The following ITGB5 variants were observed in gnomAD, a reference collection of about 807,000 sequenced individuals.
ITGB5 encodes integrin subunit beta 5.
In ITGB5, 38 loss-of-function variants were observed where a neutral mutation model predicts 84.8. That is an observed-to-expected ratio of 0.45 (90% confidence interval 0.35 to 0.59). ITGB5 has a LOEUF of 0.59. Among genes scored for constraint, ITGB5 ranks in the 20% least tolerant of loss-of-function variants. ITGB5 has a pLI of 0.01. For missense variants in ITGB5, 905 were observed against 1,034.5 expected (o/e 0.87, Z 1.72); for synonymous variants, 393 against 414.4 (o/e 0.95, Z 0.63).
upstream of ITGB5, among the ~76,000 whole-genome samples, chr3:124,890,075 GT>G (rs1934963295): frequency 6.6e-6 from 1 of 152,188 alleles, no homozygotes; most frequent in Non-Finnish European, 1.5e-5. Flanking sequence ...TGCGTGCCAA[GT>G]GGTGATTTTA....
chr3:124,815,275 C>T (rs2064570346), intron 8 of ITGB5, among the ~76,000 whole-genome samples: 1 of 152,362 alleles, frequency 6.6e-6, no homozygotes, highest in East Asian at 1.9e-4. Context: ...GTCTATGGAG[C>T]TGTGCGCCAT....
chr3:124,895,580 G>T (rs1935086703), intron 1 of ITGB5, among the ~76,000 whole-genome samples: 1 of 152,142 alleles, frequency 6.6e-6, no homozygotes, highest in Non-Finnish European at 1.5e-5. Flanking sequence ...TTAGCTAGCA[G>T]TTCAGCAGCC....
chr3:124,832,040 C>T (rs981208835), intron 5 of ITGB5, among the ~76,000 whole-genome samples: 1 of 152,208 alleles, frequency 6.6e-6, no homozygotes, highest in African/African-American at 2.4e-5. Flanking sequence ...AGTGGCCTCC[C>T]TGGAAAATCC....
At chr3:124,795,768 GGAA>G (rs1319396876) in intron 10 of ITGB5, among the ~76,000 whole-genome samples, 2 of 152,174 alleles carry the variant, frequency 1.3e-5, no homozygotes, top group African/African-American at 2.4e-5. Context: ...TTTTGAAAAT[GGAA>G]GAAGGAGCTG....
At chr3:124,847,370 G>A (rs564787108) in intron 4 of ITGB5, among the ~76,000 whole-genome samples, 10 of 152,314 alleles carry the variant, frequency 6.6e-5, no homozygotes. Context: ...TGCATGGGCT[G>A]AAGAATGCAA....
intron 5 of ITGB5, among the ~76,000 whole-genome samples, chr3:124,827,393 C>A (rs1294427237): frequency 6.6e-6 from 1 of 152,130 alleles, no homozygotes; most frequent in African/African-American, 2.4e-5. Context: ...ATTCCAGGAC[C>A]AGTAATAATT....
intron 8 of ITGB5, among the ~76,000 whole-genome samples, chr3:124,811,992 T>C (rs1333093868): frequency 1.1e-4 from 17 of 152,120 alleles, no homozygotes; most frequent in Admixed American, 1.1e-3. Flanking sequence ...AATAAAAAAA[T>C]AAAAAGGAAT....
intron 1 of ITGB5, among the ~76,000 whole-genome samples, chr3:124,886,494 C>G (rs1184690847): frequency 6.6e-6 from 1 of 152,108 alleles, no homozygotes; most frequent in East Asian, 1.9e-4. Context: ...GCTGGGGTTT[C>G]GAGACTCCCT....
Position 124,798,055 on chromosome 3 carries a change from C to CTTTTTTTTT in ITGB5, c.1264-1247_1264-1239dup, listed in dbSNP as rs60292129. The stretch of plus-strand genomic sequence containing the variant: ...TTCTATTCTTTCGGCTAGAATAAAG[C>CTTTTTTTTT]TTTTTTTTTTTTTTTTGAGGTGGAG... On this transcript the variant is annotated intron_variant, in intron 9 of 14. Coordinates refer to ENST00000296181, the MANE Select transcript of ITGB5 (RefSeq NM_002213.5). Among the ~76,000 whole-genome samples, 17 of 103,638 alleles carry CTTTTTTTTT rather than the reference C, an allele frequency of 1.6e-4. 2 individuals are homozygous for CTTTTTTTTT. The highest frequency in any genetic ancestry group is 5.7e-4 in the East Asian group (2 of 3,496). The allele number at this position is 103,638 out of a possible 152,430, so 68.0% of individuals were successfully genotyped here.
chr3:124,887,599 C>T (rs1016634621), upstream of ITGB5: 1 of 377,606 alleles, frequency 2.6e-6, no homozygotes, highest in Non-Finnish European at 5.6e-6. Context: ...TTGCGACTCA[C>T]TTGGGGCGTG....
chr3:124,873,522 A>G lies in ITGB5; in HGVS notation c.80T>C (p.Ile27Thr). ...ALLPRLAGLN[I>T]CTSGSATSCE... ...TGAGGTGGCACTTCCACTAGTGCAT[A>G]TGTTGAGACCTTTAAAGCAAGATAA... The change falls in exon 2 of 15, where the codon ATA (isoleucine) becomes ACA (threonine). Residue 27 changes from isoleucine (I) to threonine (T), a missense_variant. This residue lies in a region of ITGB5 where 656 missense variants were observed against 734.7 expected (regional missense o/e 0.89). Coordinates refer to ENST00000296181, the MANE Select transcript of ITGB5 (RefSeq NM_002213.5). 11 of 1,612,466 alleles carry G rather than the reference A, an allele frequency of 6.8e-6. No individual in the cohort carries two copies. The highest frequency in any genetic ancestry group is 9.3e-6 in the Non-Finnish European group (11 of 1,178,600).
intron 4 of ITGB5, among the ~76,000 whole-genome samples, chr3:124,846,808 C>T (rs1559966037): frequency 6.6e-6 from 1 of 152,062 alleles, no homozygotes; most frequent in Non-Finnish European, 1.5e-5. Flanking sequence ...GTGGCAGGCA[C>T]CTATAATCTC....
At chr3:124,818,670 C>T (rs111453860) in intron 7 of ITGB5, among the ~76,000 whole-genome samples, 15 of 151,920 alleles carry the variant, frequency 9.9e-5, no homozygotes, top group South Asian at 8.3e-4. Flanking sequence ...CACACCACCA[C>T]GCCCTGAATA....
At chr3:124,855,446 T>C (rs747010716) in intron 3 of ITGB5, among the ~76,000 whole-genome samples, 4 of 152,162 alleles carry the variant, frequency 2.6e-5, no homozygotes, top group Non-Finnish European at 5.9e-5. Flanking sequence ...ACATACCATT[T>C]TTCTCTCCCC....
At chr3:124,839,189 C>T (rs974786997) in intron 5 of ITGB5, among the ~76,000 whole-genome samples, 32 of 152,168 alleles carry the variant, frequency 2.1e-4, no homozygotes, top group Non-Finnish European at 2.9e-5. Flanking sequence ...TTGCAAAGGT[C>T]GTGGTGAGGA....
intron 4 of ITGB5, among the ~76,000 whole-genome samples, chr3:124,845,391 G>C (rs1302876143): frequency 1.3e-5 from 2 of 152,210 alleles, no homozygotes; most frequent in African/African-American, 4.8e-5. Flanking sequence ...GCCTGGACGT[G>C]GGGAGACAAA....
intron 2 of ITGB5, among the ~76,000 whole-genome samples, chr3:124,869,235 G>T (rs552784291): frequency 1.6e-3 from 247 of 152,216 alleles, no homozygotes; most frequent in African/African-American, 5.6e-3. Flanking sequence ...GGTTAAGAAG[G>T]CACCCAGCCA....
intron 1 of ITGB5, among the ~76,000 whole-genome samples, chr3:124,882,333 G>C (rs1251795688): frequency 2.0e-5 from 3 of 152,170 alleles, no homozygotes; most frequent in Non-Finnish European, 4.4e-5. Context: ...AATTAAAGAA[G>C]AAAAGCAGAT....
chr3:124,784,858 G>A (rs927797253), intron 10 of ITGB5, among the ~76,000 whole-genome samples: 2 of 152,230 alleles, frequency 1.3e-5, no homozygotes, highest in Non-Finnish European at 1.5e-5. Flanking sequence ...AACAGGATGC[G>A]AGGGTTACTA....
Sources: gnomAD v4.1 joint callset for allele counts (sites outside exome capture counted in the v4.1 genomes callset) on GRCh38, gnomAD v4.1.1 for gene constraint, gnomAD v4.1.1 regional missense constraint, MANE v1.5 for transcripts, NCBI Gene and HGNC (gene_info 2026-07-23, HGNC 2026-07-21) for gene names.